The following FHAD1 variants were observed in gnomAD, a reference collection of about 807,000 sequenced individuals.
The protein encoded by FHAD1 is forkhead-associated domain-containing protein 1.
In FHAD1, 146 loss-of-function variants were observed where a neutral mutation model predicts 191.3. The observed-to-expected ratio is 0.76, with a 90% CI of 0.67 to 0.88. The LOEUF is 0.88. Among genes scored for constraint, FHAD1 ranks in the 40% least tolerant of loss-of-function variants. FHAD1 has a pLI of 0.00. For synonymous variants in FHAD1, 616 were observed against 672.3 expected, an observed-to-expected ratio of 0.92 and a Z score of 1.29; for missense variants, 1,635 against 1,785.8, an observed-to-expected ratio of 0.92 and a Z score of 1.52.
chr1:15,287,530 T>G (rs1445979360), intron 3 of FHAD1, among the ~76,000 whole-genome samples: 1 of 152,040 alleles, frequency 6.6e-6, no homozygotes, highest in Non-Finnish European at 1.5e-5. Flanking sequence ...CCATCAGATC[T>G]TACAAGAAGT....
chr1:15,278,065 T>A (rs1281217883), intron 3 of FHAD1, among the ~76,000 whole-genome samples: 1 of 152,210 alleles, frequency 6.6e-6, no homozygotes, highest in Non-Finnish European at 1.5e-5. Context: ...CTAAATCCCA[T>A]GTTCTTAACC....
At chr1:15,294,154 CT>C (rs1424590267) in intron 4 of FHAD1, among the ~76,000 whole-genome samples, 1 of 152,198 alleles carries the variant, frequency 6.6e-6, no homozygotes, top group Non-Finnish European at 1.5e-5. Flanking sequence ...GGCTCCAGGC[CT>C]CCAGGTTGGC....
intron 22 of FHAD1, among the ~76,000 whole-genome samples, chr1:15,362,117 A>T (rs749254175): frequency 2.0e-5 from 3 of 152,090 alleles, no homozygotes; most frequent in African/African-American, 4.8e-5. Context: ...CATCTTTGTC[A>T]CCCCCGTACT....
intron 2 of FHAD1, among the ~76,000 whole-genome samples, chr1:15,252,462 C>G (rs58922551): frequency 6.6e-6 from 1 of 152,172 alleles, no homozygotes; most frequent in Non-Finnish European, 1.5e-5. Context: ...GGCAACAGTA[C>G]GTTGACATAG....
At chr1:15,280,577 C>T (rs969891877) in intron 3 of FHAD1, among the ~76,000 whole-genome samples, 3 of 152,076 alleles carry the variant, frequency 2.0e-5, no homozygotes, top group South Asian at 4.1e-4. Flanking sequence ...AGAACACGGA[C>T]GACCCGGCCC....
chr1:15,251,966 C>G (rs1298763293), intron 2 of FHAD1, 89 bp downstream of exon 2: 4 of 1,058,966 alleles, frequency 3.8e-6, no homozygotes, highest in Admixed American at 5.1e-5. Flanking sequence ...GGACTCCAGT[C>G]TCTTGTACAC....
intron 3 of FHAD1, among the ~76,000 whole-genome samples, chr1:15,275,781 CTT>C (rs950767256): frequency 7.2e-5 from 11 of 152,180 alleles, no homozygotes; most frequent in African/African-American, 2.7e-4. Flanking sequence ...CCAGCATGCT[CTT>C]GTCTCTTATT....
intron 32 of FHAD1, among the ~76,000 whole-genome samples, chr1:15,390,436 C>T (rs554721375): frequency 3.8e-4 from 58 of 152,048 alleles, no homozygotes; most frequent in African/African-American, 1.4e-3. Context: ...TGACACTAGG[C>T]CCACAGTCCC....
chr1:15,272,355 T>C lies in FHAD1; in HGVS notation c.126T>C (p.Ile42=), dbSNP rs1255897665. ...SPDIDNHHAL[I]EYNEAECSFV... ...ACATCGACAACCACCATGCACTCAT[T>C]GAATATAACGAGGCGGAGTGCAGCT... Residue 42 remains isoleucine, a synonymous_variant, in exon 3 of 34, where the codon ATT becomes ATC. Coordinates refer to ENST00000688493, the MANE Select transcript of FHAD1 (RefSeq NM_001391957.1). 1 of 1,551,710 alleles carries C rather than the reference T, an allele frequency of 6.4e-7. No individual in the cohort carries two copies. The highest frequency in any genetic ancestry group is 8.7e-7 in the Non-Finnish European group (1 of 1,146,996).
At chr1:15,357,454 C>G (rs1310599162) in intron 20 of FHAD1, among the ~76,000 whole-genome samples, 4 of 152,034 alleles carry the variant, frequency 2.6e-5, no homozygotes, top group Non-Finnish European at 5.9e-5. Context: ...GAAACTCCGT[C>G]TCTACTAAAA....
chr1:15,384,430 G>A, intron 31 of FHAD1: 1 of 152,562 alleles, frequency 6.6e-6, no homozygotes, highest in Non-Finnish European at 1.5e-5. Context: ...CCTTCCCGAG[G>A]CAGTGTCCCC....
At chr1:15,363,443 A>G (rs1057044187) in intron 23 of FHAD1, among the ~76,000 whole-genome samples, 16 of 152,186 alleles carry the variant, frequency 1.1e-4, no homozygotes, top group African/African-American at 3.4e-4. Context: ...TCCCAACTCA[A>G]CACTCCAGCT....
chr1:15,360,376 G>T, intron 21 of FHAD1, 102 bp from the exon 22 acceptor site: 1 of 1,004,492 alleles, frequency 1.0e-6, no homozygotes, highest in Non-Finnish European at 1.5e-6. Context: ...AGGCCCTGGG[G>T]TGGGGCCCAG....
chr1:15,326,582 A>G (rs7532157), intron 11 of FHAD1: 52,046 of 152,718 alleles, frequency 0.34, 9,293 homozygotes, highest in African/African-American at 0.43. Flanking sequence ...AACAGAGTGG[A>G]CATAGTCTTC....
At chr1:15,358,746 G>A (rs1693671241) in intron 21 of FHAD1, among the ~76,000 whole-genome samples, 1 of 143,468 alleles carries the variant, frequency 7.0e-6, no homozygotes, top group South Asian at 2.2e-4. Flanking sequence ...GGCATTCGAG[G>A]CCCTCCACAA....
chr1:15,257,777 A>G (rs1347540310), intron 2 of FHAD1, among the ~76,000 whole-genome samples: 2 of 152,218 alleles, frequency 1.3e-5, no homozygotes, highest in African/African-American at 4.8e-5. Context: ...CACACAACGT[A>G]ACATTTATCA....
At chr1:15,387,997 G>A (rs969764913) in intron 31 of FHAD1, 54 bp from the exon 32 acceptor site, 2 of 1,049,522 alleles carry the variant, frequency 1.9e-6, no homozygotes, top group South Asian at 1.3e-5. Context: ...ATTGGAACGG[G>A]TAAGGACACA....
intron 14 of FHAD1, among the ~76,000 whole-genome samples, chr1:15,336,903 C>G (rs1684378442): frequency 1.3e-5 from 2 of 152,230 alleles, no homozygotes; most frequent in South Asian, 4.1e-4. Flanking sequence ...TTCCCAGCAG[C>G]CCCCTTCACC....
intron 14 of FHAD1, among the ~76,000 whole-genome samples, chr1:15,337,777 A>G (rs1040167305): frequency 3.3e-5 from 5 of 151,918 alleles, no homozygotes; most frequent in South Asian, 2.1e-4. Context: ...AAAAAAAAAA[A>G]CAACGCTCTT....
Sources: gnomAD v4.1 joint callset for allele counts (sites outside exome capture counted in the v4.1 genomes callset) on GRCh38, gnomAD v4.1.1 for gene constraint, MANE v1.5 for transcripts, NCBI Gene and HGNC (gene_info 2026-07-23, HGNC 2026-07-21) for gene names.